Variants in DGKB observed in about 807,000 individuals in gnomAD.
The protein encoded by DGKB is 90 kDa diacylglycerol kinase.
A neutral mutation model predicts 114.3 loss-of-function variants in DGKB; 67 were observed. That is an observed-to-expected ratio of 0.59 (90% CI 0.48 to 0.72). DGKB has a LOEUF of 0.72. Ranked by LOEUF, DGKB falls within the 30% of genes least tolerant of loss-of-function variation. The pLI is 0.00. For missense variants in DGKB, 907 were observed against 975.2 expected, an observed-to-expected ratio of 0.93 and a Z score of 0.93; for synonymous variants, 398 against 323.1, an observed-to-expected ratio of 1.23 and a Z score of -2.49.
intron 20 of DGKB, among the ~76,000 whole-genome samples, chr7:14,560,063 ATT>A (rs35881351): frequency 6.0e-5 from 9 of 149,470 alleles, no homozygotes; most frequent in East Asian, 2.0e-4. Flanking sequence ...AGGTTATTAG[ATT>A]TTTTTTTTAC....
At chr7:14,174,945 A>C (rs1164161862) in intron 25 of DGKB, among the ~76,000 whole-genome samples, 2 of 152,252 alleles carry the variant, frequency 1.3e-5, no homozygotes, top group African/African-American at 4.8e-5. Context: ...GTGTTCAGGC[A>C]GCTAAAGGAA....
chr7:14,434,702 GATTT>G (rs1418969682), intron 21 of DGKB, among the ~76,000 whole-genome samples: 11 of 152,138 alleles, frequency 7.2e-5, no homozygotes, highest in Middle Eastern at 3.4e-3. Flanking sequence ...AATTTTAATT[GATTT>G]ATTACAGCAG....
intron 21 of DGKB, among the ~76,000 whole-genome samples, chr7:14,430,746 T>C (rs1828330686): frequency 6.6e-6 from 1 of 152,230 alleles, no homozygotes; most frequent in Non-Finnish European, 1.5e-5. Context: ...ATTTTATATA[T>C]AACTACTTTC....
chr7:14,754,400 A>G (rs1282093870), intron 3 of DGKB, among the ~76,000 whole-genome samples: 1 of 152,200 alleles, frequency 6.6e-6, no homozygotes, highest in Admixed American at 6.5e-5. Context: ...ATAAAGGTAT[A>G]TTAGATTTTG....
chr7:14,889,809 T>C (rs1780901100), intron 1 of DGKB, among the ~76,000 whole-genome samples: 1 of 151,462 alleles, frequency 6.6e-6, no homozygotes, highest in South Asian at 2.1e-4. Context: ...CAGCATAAGA[T>C]AGGGACAACT....
intron 5 of DGKB, among the ~76,000 whole-genome samples, chr7:14,725,846 C>A (rs1467605687): frequency 6.6e-6 from 1 of 152,000 alleles, no homozygotes; most frequent in East Asian, 1.9e-4. Context: ...CCACGCGCAA[C>A]CAATATGTTG....
intron 20 of DGKB, among the ~76,000 whole-genome samples, chr7:14,536,412 A>T (rs538622735): frequency 6.6e-6 from 1 of 152,342 alleles, no homozygotes; most frequent in Non-Finnish European, 1.5e-5. Context: ...AAAATCATCA[A>T]TAAAATATTT....
intron 25 of DGKB, among the ~76,000 whole-genome samples, chr7:14,169,257 C>T (rs1383139332): frequency 6.1e-5 from 9 of 148,168 alleles, no homozygotes; most frequent in Admixed American, 1.4e-4. Context: ...CCCAGCTACT[C>T]GGGAGGCTGA....
intron 1 of DGKB, among the ~76,000 whole-genome samples, chr7:14,891,454 T>C (rs1212263148): frequency 6.6e-6 from 1 of 151,200 alleles, no homozygotes; most frequent in Non-Finnish European, 1.5e-5. Context: ...ACAATAGGAG[T>C]GCAAGTAAAG....
intron 23 of DGKB, among the ~76,000 whole-genome samples, chr7:14,313,450 G>A (rs1345788656): frequency 6.6e-6 from 1 of 152,148 alleles, no homozygotes; most frequent in African/African-American, 2.4e-5. Context: ...GCGAGGCATT[G>A]CCTCACTCGG....
intron 21 of DGKB, among the ~76,000 whole-genome samples, chr7:14,405,603 C>G (rs970939176): frequency 6.6e-6 from 1 of 151,906 alleles, no homozygotes; most frequent in African/African-American, 2.4e-5. Context: ...CAGAAACAAT[C>G]AAGACAGACA....
chr7:14,726,299 C>G (rs1198033524), intron 5 of DGKB, among the ~76,000 whole-genome samples: 2 of 152,020 alleles, frequency 1.3e-5, no homozygotes, highest in East Asian at 3.9e-4. Context: ...GCCACCACAC[C>G]CAGCTAATTT....
rs139438281 is a variant in DGKB, at chr7:14,752,125, C to A, written c.168+1803G>T. ...TTCGGTTCAGTCAGACTCCTCAGAC[C>A]ATATTTTCTCTGTTATACTTTCCTT... On this transcript the variant is annotated intron_variant, in intron 4 of 25. Coordinates refer to ENST00000402815, the MANE Select transcript of DGKB (RefSeq NM_001350709.2). Among the ~76,000 whole-genome samples the A allele has an allele frequency of 9.1e-3, 1,384 of 152,122 alleles. 25 individuals carry two copies. Among genetic ancestry groups the A allele is most frequent in the African/African-American group, 0.032 (1,318 of 41,496 alleles).
intron 2 of DGKB, among the ~76,000 whole-genome samples, chr7:14,762,372 A>G (rs763128753): frequency 6.6e-6 from 1 of 152,142 alleles, no homozygotes; most frequent in Non-Finnish European, 1.5e-5. Flanking sequence ...CGGCTGAGTC[A>G]TGTAATAAAC....
At chr7:14,641,377 G>T (rs1811770067) in intron 13 of DGKB, among the ~76,000 whole-genome samples, 1 of 151,828 alleles carries the variant, frequency 6.6e-6, no homozygotes, top group African/African-American at 2.4e-5. Context: ...TGTTGTTGCT[G>T]TTGTTACTGT....
chr7:14,923,470 T>C (rs1028919058), intron 1 of DGKB, among the ~76,000 whole-genome samples: 12 of 152,330 alleles, frequency 7.9e-5, no homozygotes, highest in African/African-American at 2.6e-4. Context: ...AAGCTCTGTT[T>C]CCTTATTTGT....
chr7:14,534,352 T>C (rs1181279651), intron 20 of DGKB, among the ~76,000 whole-genome samples: 1 of 151,778 alleles, frequency 6.6e-6, no homozygotes, highest in Non-Finnish European at 1.5e-5. Context: ...ACAATAAAAT[T>C]ACCAAACCAC....
At chr7:14,469,196 C>T (rs1344149438) in intron 21 of DGKB, among the ~76,000 whole-genome samples, 2 of 151,948 alleles carry the variant, frequency 1.3e-5, no homozygotes, top group Non-Finnish European at 2.9e-5. Flanking sequence ...TTACGATTAT[C>T]TAAGCTCTCT....
At chr7:14,851,038 A>G (rs772979820) in intron 1 of DGKB, among the ~76,000 whole-genome samples, 83 of 152,164 alleles carry the variant, frequency 5.5e-4, no homozygotes, top group Non-Finnish European at 9.8e-4. Flanking sequence ...AACAAATAAG[A>G]GACTCTCAAT....
Sources: allele counts gnomAD v4.1 joint callset (sites outside exome capture counted in the v4.1 genomes callset), GRCh38; gene constraint gnomAD v4.1.1; transcripts MANE v1.5; gene names NCBI Gene and HGNC (gene_info 2026-07-23, HGNC 2026-07-21).